CYP19A1: variants seen among roughly 807,000 people sequenced by gnomAD.
The protein encoded by CYP19A1 is aromatase.
CYP19A1 carries 32 observed loss-of-function variants against 44.4 expected under a neutral mutation model. The ratio of observed to expected loss-of-function variants is 0.72; its 90% CI spans 0.54 to 0.97. The LOEUF (loss-of-function observed/expected upper bound fraction) is 0.97. Ranked by LOEUF, CYP19A1 falls within the 50% of genes least tolerant of loss-of-function variation. CYP19A1 has a pLI of 0.00. For synonymous variants in CYP19A1, 212 were observed against 215.6 expected, an observed-to-expected ratio of 0.98 and a Z score of 0.14; for missense variants, 598 against 637.8, an observed-to-expected ratio of 0.94 and a Z score of 0.67.
intron 4 of CYP19A1, among the ~76,000 whole-genome samples, chr15:51,226,691 T>A (rs1242287902): frequency 6.6e-6 from 1 of 151,352 alleles, no homozygotes; most frequent in African/African-American, 2.5e-5. Flanking sequence ...CTGACAAGGT[T>A]TCCAGGGTAT....
intron 5 of CYP19A1, chr15:51,221,497 C>T (rs1353249635): frequency 1.3e-5 from 2 of 152,274 alleles, no homozygotes; most frequent in East Asian, 3.9e-4. Context: ...CAATTAGATA[C>T]AAGTCCAGTG....
intron 4 of CYP19A1, among the ~76,000 whole-genome samples, chr15:51,226,562 C>A (rs1279617322): frequency 6.6e-6 from 1 of 152,112 alleles, no homozygotes; most frequent in Non-Finnish European, 1.5e-5. Context: ...TGGCATAGCT[C>A]CCCCCATCTC....
intron 4 of CYP19A1, 107 bp downstream of exon 4, chr15:51,227,672 C>CATAAATA: frequency 3.9e-6 from 1 of 255,954 alleles, no homozygotes; most frequent in Non-Finnish European, 7.1e-6. Flanking sequence ...GAGCCTGTCT[C>CATAAATA]AATAAATAAA....
chr15:51,248,879 C>T (rs1470638097), intron 1 of CYP19A1, among the ~76,000 whole-genome samples: 1 of 152,084 alleles, frequency 6.6e-6, no homozygotes, highest in Non-Finnish European at 1.5e-5. Context: ...CACGTCAATC[C>T]TCTGCTAAAA....
chr15:51,336,144 T>C (rs1315353711), intron 1 of CYP19A1, among the ~76,000 whole-genome samples: 1 of 152,188 alleles, frequency 6.6e-6, no homozygotes, highest in Non-Finnish European at 1.5e-5. Context: ...AGGAACTGCA[T>C]TCCTTTCTTC....
chr15:51,218,648 A>G lies in CYP19A1; in HGVS notation c.636T>C (p.Ala212=). ...AATAACCTTGGATTTTAACCACGAT[A>G]GCACTTTCTGTAGGAAAAAAAAACA... ...LFLRIPLDES[A]IVVKIQGYFD... The change falls in exon 6 of 10, where the codon GCT becomes GCC. Residue 212 remains alanine (A), a synonymous_variant. Transcript: ENST00000396402. 6.2e-7 allele frequency: 1 copy of G among 1,612,638 alleles called. No homozygotes were observed.
chr15:51,285,111 C>T (rs1156231089), intron 1 of CYP19A1, among the ~76,000 whole-genome samples: 1 of 152,178 alleles, frequency 6.6e-6, no homozygotes, highest in Non-Finnish European at 1.5e-5. Context: ...GCTGGAGCGC[C>T]AGGGTTTTAC....
At chr15:51,216,223 C>T (rs1166244505) in intron 6 of CYP19A1, among the ~76,000 whole-genome samples, 1 of 152,114 alleles carries the variant, frequency 6.6e-6, no homozygotes, top group East Asian at 1.9e-4. Context: ...CCTCCATTCC[C>T]TTGTCTTACA....
intron 5 of CYP19A1, among the ~76,000 whole-genome samples, chr15:51,220,899 C>T (rs748408465): frequency 3.6e-4 from 54 of 151,964 alleles, no homozygotes; most frequent in Non-Finnish European, 6.2e-4. Flanking sequence ...CACTACCCTT[C>T]CCATCCTCTG....
At chr15:51,276,439 T>G (rs1441495028) in intron 1 of CYP19A1, among the ~76,000 whole-genome samples, 1 of 152,242 alleles carries the variant, frequency 6.6e-6, no homozygotes, top group Non-Finnish European at 1.5e-5. Flanking sequence ...ATATAAATGT[T>G]ACCATACCTT....
At chr15:51,264,643 A>G (rs1364392497) in intron 1 of CYP19A1, among the ~76,000 whole-genome samples, 1 of 152,192 alleles carries the variant, frequency 6.6e-6, no homozygotes, top group Admixed American at 6.5e-5. Context: ...AATATAGTGA[A>G]GAGAAAGAGT....
intron 1 of CYP19A1, among the ~76,000 whole-genome samples, chr15:51,272,652 A>G (rs774522925): frequency 6.6e-6 from 1 of 152,224 alleles, no homozygotes; most frequent in South Asian, 2.1e-4. Context: ...TCAGAATTGC[A>G]GAGTTCCTAT....
chr15:51,270,299 C>G (rs576465886), intron 1 of CYP19A1, among the ~76,000 whole-genome samples: 2 of 152,080 alleles, frequency 1.3e-5, no homozygotes, highest in Non-Finnish European at 2.9e-5. Flanking sequence ...GTATCCTGAA[C>G]TGAAACCTTG....
At chr15:51,244,516 G>A (rs2033962178) in intron 1 of CYP19A1, among the ~76,000 whole-genome samples, 2 of 152,086 alleles carry the variant, frequency 1.3e-5, no homozygotes, top group East Asian at 1.9e-4. Flanking sequence ...CCTTGTGTCT[G>A]TTATCATCTG....
intron 1 of CYP19A1, among the ~76,000 whole-genome samples, chr15:51,281,504 A>G (rs907920988): frequency 1.3e-5 from 2 of 152,288 alleles, no homozygotes; most frequent in Admixed American, 6.5e-5. Context: ...AGTCACATCC[A>G]GACATACAGC....
chr15:51,258,544 C>T (rs754369640), intron 1 of CYP19A1, among the ~76,000 whole-genome samples: 26 of 152,308 alleles, frequency 1.7e-4, no homozygotes, highest in Middle Eastern at 6.8e-3. Context: ...GCCAATGCTG[C>T]ACATTTATGT....
At chr15:51,215,841 T>C (rs775865579) in intron 6 of CYP19A1, 24 bp from the exon 7 acceptor site, 41 of 1,612,508 alleles carry the variant, frequency 2.5e-5, no homozygotes, top group Non-Finnish European at 2.7e-5. Flanking sequence ...CAAAATATTG[T>C]CTATTTTTAC....
chr15:51,210,971 A>G lies in CYP19A1; in HGVS notation c.1349T>C (p.Ile450Thr). Residue 450 changes from isoleucine (I) to threonine (T), a missense_variant, in exon 10 of 10, where the codon ATC (isoleucine) becomes ACC (threonine). Transcript: ENST00000396402. Reference protein sequence around the residue: ...KYIAMVMMKAILVTLLRRFHV... With the variant: ...KYIAMVMMKATLVTLLRRFHV... ...GAATCGTCTCAGAAGTGTAACGAGG[A>G]TGGCTTTCATCATCACCATGGCGAT... The G allele has an allele frequency of 1.9e-6, 3 of 1,606,432 alleles. No homozygotes were observed. The highest frequency in any genetic ancestry group is 8.5e-7 in the Non-Finnish European group (1 of 1,172,954).
At chr15:51,294,631 G>C (rs1283865554) in intron 1 of CYP19A1, among the ~76,000 whole-genome samples, 2 of 130,148 alleles carry the variant, frequency 1.5e-5, no homozygotes, top group Admixed American at 7.2e-5. Context: ...GGAGGGAGGT[G>C]GGGGGGTCAG....
Sources: gnomAD v4.1 joint callset for allele counts (sites outside exome capture counted in the v4.1 genomes callset) on GRCh38, gnomAD v4.1.1 for gene constraint, MANE v1.5 for transcripts, NCBI Gene and HGNC (gene_info 2026-07-23, HGNC 2026-07-21) for gene names.